Variants in NR3C2 observed in about 807,000 individuals in gnomAD.
NR3C2 encodes the protein mineralocorticoid receptor.
Under a neutral mutation model 86.4 loss-of-function variants are expected in NR3C2, and 15 were observed. The observed-to-expected ratio is 0.17, with a 90% CI of 0.12 to 0.27. The LOEUF (loss-of-function observed/expected upper bound fraction) is 0.27. NR3C2 is among the 10% of genes least tolerant of loss of function. NR3C2 has a pLI of 1.00. For missense variants in NR3C2, 960 were observed against 1,195.6 expected, an observed-to-expected ratio of 0.80 and a Z score of 2.91; for synonymous variants, 458 against 450.5, an observed-to-expected ratio of 1.02 and a Z score of -0.21.
rs188031350 is a variant in NR3C2, at chr4:148,258,512, C to T, written c.1897+1466G>A. Among the ~76,000 whole-genome samples, 438 of 152,320 alleles carry T rather than the reference C, an allele frequency of 2.9e-3. 1 individual carries two copies. Among genetic ancestry groups the T allele is most frequent in the African/African-American group, 0.01 (429 of 41,584 alleles). ...CTAGATGGTTCAGGTTGTCCGACTC[C>T]AGCCAGAACCAGCCTATCTGATCAC... is the stretch of plus-strand genomic sequence containing the variant. On this transcript the variant is annotated intron_variant, in intron 3 of 8. Coordinates refer to ENST00000358102, the MANE Select transcript of NR3C2 (RefSeq NM_000901.5).
intron 8 of NR3C2, among the ~76,000 whole-genome samples, chr4:148,111,641 T>C (rs193219378): frequency 5.8e-4 from 88 of 152,270 alleles, no homozygotes; most frequent in African/African-American, 2.1e-3. Context: ...GAAACTACTT[T>C]GCAATAAGAA....
At chr4:148,183,802 C>T (rs759657879) in intron 4 of NR3C2, among the ~76,000 whole-genome samples, 76 of 152,062 alleles carry the variant, frequency 5.0e-4, no homozygotes, top group African/African-American at 9.2e-4. Context: ...TTGCAGTCAC[C>T]GAGGATAAGG....
chr4:148,214,549 T>C (rs1469265919), intron 3 of NR3C2, among the ~76,000 whole-genome samples: 1 of 152,144 alleles, frequency 6.6e-6, no homozygotes, highest in Non-Finnish European at 1.5e-5. Flanking sequence ...GAAAATTACC[T>C]ATAACTAAGA....
chr4:148,187,372 T>C (rs1181922294), intron 4 of NR3C2, among the ~76,000 whole-genome samples: 1 of 152,060 alleles, frequency 6.6e-6, no homozygotes, highest in Non-Finnish European at 1.5e-5. Flanking sequence ...CATCTACTGT[T>C]TTTTTATTTT....
chr4:148,105,348 G>T (rs1731746590), intron 8 of NR3C2, among the ~76,000 whole-genome samples: 1 of 152,126 alleles, frequency 6.6e-6, no homozygotes, highest in Admixed American at 6.6e-5. Flanking sequence ...TCCCTGAATA[G>T]ACCAATAACT....
chr4:148,280,246 C>A (rs1741166581), intron 2 of NR3C2, among the ~76,000 whole-genome samples: 1 of 152,132 alleles, frequency 6.6e-6, no homozygotes, highest in Non-Finnish European at 1.5e-5. Flanking sequence ...CTGAAGTGCA[C>A]TTTTGGCTAA....
upstream of NR3C2, chr4:148,444,815 G>A: frequency 1.0e-6 from 1 of 984,970 alleles, no homozygotes; most frequent in Non-Finnish European, 1.2e-6. Flanking sequence ...CCCCTCTCCC[G>A]GGGCTGCGCG....
chr4:148,300,428 GATTTTCTTAA>G (rs1175649132), intron 2 of NR3C2, among the ~76,000 whole-genome samples: 1 of 152,054 alleles, frequency 6.6e-6, no homozygotes, highest in East Asian at 1.9e-4. Flanking sequence ...GATTTAAAAG[GATTTTCTTAA>G]AGACTGCTCA....
chr4:148,318,049 CAG>C (rs1743311424), intron 2 of NR3C2, among the ~76,000 whole-genome samples: 1 of 139,328 alleles, frequency 7.2e-6, no homozygotes, highest in South Asian at 2.4e-4. Context: ...CAACAGTCCC[CAG>C]AGTGTGATAT....
Position 148,081,499 on chromosome 4 carries a change from G to A in NR3C2, c.2800C>T (p.Leu934=). The part of the protein sequence containing the change: ...LTKLLDSMHD[L]VSDLLEFCFY... Reference sequence around the variant, plus strand: ...CAGAATTCCAGCAGGTCGCTCACCAGCTGTAACACAGACACAGGGGGCATG... The same window carrying A: ...CAGAATTCCAGCAGGTCGCTCACCAACTGTAACACAGACACAGGGGGCATG... Residue 934 remains leucine (L), a splice_region_variant and synonymous_variant, in exon 9 of 9, where the codon CTG becomes TTG. Coordinates refer to ENST00000358102, the MANE Select transcript of NR3C2 (RefSeq NM_000901.5). The A allele has an allele frequency of 6.2e-7, 1 of 1,613,858 alleles. No homozygotes were observed. The highest frequency in any genetic ancestry group is 8.5e-7 in the Non-Finnish European group (1 of 1,179,832).
intron 2 of NR3C2, among the ~76,000 whole-genome samples, chr4:148,398,164 CTTAAT>C: frequency 6.6e-6 from 1 of 152,252 alleles, no homozygotes; most frequent in African/African-American, 2.4e-5. Flanking sequence ...TCCTGAGACC[CTTAAT>C]TTAATTACAT....
rs553353743 is a variant in NR3C2 at position 148,406,613 on chromosome 4, G to A, written c.1757+28491C>T. On this transcript the variant is annotated intron_variant, in intron 2 of 8. Coordinates refer to ENST00000358102, the MANE Select transcript of NR3C2 (RefSeq NM_000901.5). The stretch of plus-strand genomic sequence containing the variant: ...GAGACAAAGAGCTCCTCAGAGCCAG[G>A]CCAGGGTCTTGCAGGCCATATTACA... 5.3e-5 allele frequency among the ~76,000 whole-genome samples: 8 copies of A among 152,296 alleles called. No homozygotes were observed. In the South Asian group the frequency reaches 1.7e-3, roughly 32 times the overall value.
chr4:148,152,869 G>A (rs554055669), intron 5 of NR3C2, among the ~76,000 whole-genome samples: 1 of 152,308 alleles, frequency 6.6e-6, no homozygotes, highest in East Asian at 1.9e-4. Context: ...AGTTCAGCAA[G>A]TTTCAGTGTG....
intron 4 of NR3C2, 96 bp downstream of exon 4, chr4:148,194,650 C>T: frequency 1.2e-6 from 1 of 800,798 alleles, no homozygotes. Context: ...CCTTTGCTCC[C>T]TGTTGGCTTC....
At chr4:148,371,204 T>C (rs1343679628) in intron 2 of NR3C2, among the ~76,000 whole-genome samples, 5 of 152,234 alleles carry the variant, frequency 3.3e-5, no homozygotes, top group Admixed American at 2.0e-4. Flanking sequence ...ATTATACTCT[T>C]TGAGTTATTT....
intron 2 of NR3C2, among the ~76,000 whole-genome samples, chr4:148,370,380 A>G (rs13109808): frequency 3.3e-5 from 5 of 151,998 alleles, no homozygotes; most frequent in African/African-American, 1.2e-4. Flanking sequence ...CAGTAAAAAA[A>G]AAATACTAAG....
chr4:148,081,709 A>G (rs1042629731), intron 8 of NR3C2, among the ~76,000 whole-genome samples: 1 of 152,202 alleles, frequency 6.6e-6, no homozygotes, highest in African/African-American at 2.4e-5. Flanking sequence ...TGGAAAACAA[A>G]CAAATTCAGC....
chr4:148,203,170 C>A (rs1736816227), intron 3 of NR3C2, among the ~76,000 whole-genome samples: 1 of 152,076 alleles, frequency 6.6e-6, no homozygotes, highest in Non-Finnish European at 1.5e-5. Context: ...ATTAATAAAT[C>A]TGAGGGTTTG....
intron 2 of NR3C2, among the ~76,000 whole-genome samples, chr4:148,383,856 G>T (rs1384975290): frequency 6.6e-6 from 1 of 151,296 alleles, no homozygotes; most frequent in Admixed American, 6.6e-5. Flanking sequence ...GCTGAGGCAG[G>T]AGAATTGCTT....
Sources: allele counts gnomAD v4.1 joint callset (sites outside exome capture counted in the v4.1 genomes callset), GRCh38; gene constraint gnomAD v4.1.1; transcripts MANE v1.5; gene names NCBI Gene and HGNC (gene_info 2026-07-23, HGNC 2026-07-21).